The following MYO5B variants were observed in gnomAD, a reference collection of about 807,000 sequenced individuals.
MYO5B encodes unconventional myosin-Vb.
Under a neutral mutation model 229.3 loss-of-function variants are expected in MYO5B, and 143 were observed. The ratio of observed to expected loss-of-function variants is 0.62; its 90% confidence interval spans 0.54 to 0.72. The LOEUF (loss-of-function observed/expected upper bound fraction) is 0.72. Ranked by LOEUF, MYO5B falls within the 30% of genes least tolerant of loss-of-function variation. MYO5B has a pLI of 0.00. For missense variants in MYO5B, 2,321 were observed against 2,331.0 expected (o/e 1.00, Z 0.09); for synonymous variants, 918 against 885.2 (o/e 1.04, Z -0.66).
chr18:49,854,823 G>C (rs1598834706), intron 30 of MYO5B, among the ~76,000 whole-genome samples: 1 of 152,142 alleles, frequency 6.6e-6, no homozygotes, highest in Non-Finnish European at 1.5e-5. Flanking sequence ...ATGTCTACAA[G>C]GGAGCAAGAG....
At chr18:50,080,490 A>G (rs1189679266) in intron 1 of MYO5B, among the ~76,000 whole-genome samples, 1 of 152,164 alleles carries the variant, frequency 6.6e-6, no homozygotes, top group Non-Finnish European at 1.5e-5. Flanking sequence ...TTTATACAGC[A>G]TGTGGGGGAA....
chr18:50,030,977 A>G (rs1330507741), intron 4 of MYO5B, among the ~76,000 whole-genome samples: 2 of 151,206 alleles, frequency 1.3e-5, no homozygotes, highest in African/African-American at 2.4e-5. Flanking sequence ...ATAAGATGGC[A>G]CACTCCCACC....
chr18:49,883,488 T>A (rs183698247), intron 22 of MYO5B, among the ~76,000 whole-genome samples: 3 of 152,280 alleles, frequency 2.0e-5, no homozygotes, highest in African/African-American at 7.2e-5. Context: ...AAATTAAAGA[T>A]CTTAATAAAT....
intron 1 of MYO5B, chr18:50,097,623 C>T (rs2031577490): frequency 9.8e-6 from 2 of 204,276 alleles, no homozygotes; most frequent in Admixed American, 1.1e-4. Context: ...AGGGCTTCCT[C>T]TCCAGGCAAT....
At position 49,894,855 on chromosome 18, in the gene MYO5B, C is replaced by T. The variant is rs2024759178; in HGVS notation, c.3045+86G>A. On this transcript the variant is annotated intron_variant, in intron 22 of 39. Transcript: ENST00000285039. Reference sequence around the variant, plus strand: ...GCCCAAGACCATGGCAATTTTACCACTTGAAGCAGCAGTGCTCTCTGAGAG... The same window carrying T: ...GCCCAAGACCATGGCAATTTTACCATTTGAAGCAGCAGTGCTCTCTGAGAG... 6 of 1,186,798 alleles carry T rather than the reference C, an allele frequency of 5.1e-6. No homozygotes were observed. In the East Asian group the frequency reaches 9.4e-5, roughly 19 times the overall value. The allele number at this position is 1,186,798 out of a possible 1,614,324, so 73.5% of individuals were successfully genotyped here. A position where few individuals can be genotyped will look rare whatever the true frequency, so the allele number is the denominator to read the frequency against.
Position 49,962,249 on chromosome 18 carries a change from T to C in MYO5B, c.1545+17A>G. 1 of 1,614,150 alleles carries C rather than the reference T, an allele frequency of 6.2e-7. No individual in the cohort carries two copies. Among genetic ancestry groups the C allele is most frequent in the Non-Finnish European group, 8.5e-7 (1 of 1,179,982 alleles). ...TCCCTACCCTAGAATTGAACTAATT[T>C]GCATCATCAGTTTTACCTTACATTC... On this transcript the variant is annotated intron_variant, in intron 12 of 39. Coordinates refer to ENST00000285039, the MANE Select transcript of MYO5B (RefSeq NM_001080467.3).
intron 5 of MYO5B, among the ~76,000 whole-genome samples, chr18:49,995,432 A>AT (rs33952487): frequency 0.82 from 121,699 of 148,672 alleles, 51,339 homozygotes; most frequent in East Asian, 0.99. Flanking sequence ...TTTTTTTTGT[A>AT]TTTTTTTTTG....
At chr18:49,913,979 C>T (rs2024985438) in intron 17 of MYO5B, among the ~76,000 whole-genome samples, 1 of 151,942 alleles carries the variant, frequency 6.6e-6, no homozygotes, top group Non-Finnish European at 1.5e-5. Context: ...CCCCTGCTTC[C>T]AGCTCCCCAT....
intron 1 of MYO5B, among the ~76,000 whole-genome samples, chr18:50,127,737 G>C (rs1445917739): frequency 1.3e-5 from 2 of 152,190 alleles, no homozygotes; most frequent in Non-Finnish European, 2.9e-5. Flanking sequence ...CCACACATTT[G>C]GCCAAGCACT....
chr18:49,932,458 C>T (rs949265), intron 16 of MYO5B, among the ~76,000 whole-genome samples: 2 of 151,968 alleles, frequency 1.3e-5, no homozygotes, highest in East Asian at 1.9e-4. Context: ...CTTTGCCACA[C>T]CTGTTCTGTC....
chr18:50,188,147 T>A (rs1323972111), intron 1 of MYO5B, among the ~76,000 whole-genome samples: 1 of 152,212 alleles, frequency 6.6e-6, no homozygotes, highest in Non-Finnish European at 1.5e-5. Flanking sequence ...TTAAAAATAG[T>A]GCTATAATTA....
chr18:50,190,622 C>G (rs900257776), intron 1 of MYO5B, among the ~76,000 whole-genome samples: 2 of 7,302 alleles, frequency 2.7e-4, no homozygotes, highest in African/African-American at 3.3e-4. Context: ...TGGCCCCCGA[C>G]CTACCAAAAA....
intron 1 of MYO5B, among the ~76,000 whole-genome samples, chr18:50,094,281 T>C (rs923484874): frequency 1.3e-5 from 2 of 152,140 alleles, no homozygotes; most frequent in Non-Finnish European, 2.9e-5. Flanking sequence ...AAACAATCTA[T>C]GGATACACTG....
At chr18:49,934,316 A>G (rs188877588) in intron 16 of MYO5B, among the ~76,000 whole-genome samples, 19 of 152,346 alleles carry the variant, frequency 1.2e-4, no homozygotes, top group African/African-American at 4.1e-4. Flanking sequence ...AGTGAGCTCA[A>G]ACTAGAATCC....
intron 13 of MYO5B, 34 bp from the exon 14 acceptor site, chr18:49,953,377 G>C: frequency 6.3e-7 from 1 of 1,585,238 alleles, no homozygotes; most frequent in Non-Finnish European, 8.7e-7. Context: ...AGACACAGTC[G>C]TTAGTGCTTC....
chr18:49,924,913 C>T lies in MYO5B; in HGVS notation c.2090+4599G>A, dbSNP rs889057388. On this transcript the variant is annotated intron_variant, in intron 17 of 39. Coordinates refer to ENST00000285039, the MANE Select transcript of MYO5B (RefSeq NM_001080467.3). ...CCACAAATTGCCCTCTCCCATTTTCCACCCCAAGTTATTTCATGAAAAAAA... is the reference window on the plus strand; with the variant it reads ...CCACAAATTGCCCTCTCCCATTTTCTACCCCAAGTTATTTCATGAAAAAAA... 2.0e-5 allele frequency among the ~76,000 whole-genome samples: 3 copies of T among 152,134 alleles called. No homozygotes were observed. The East Asian group carries it at 5.8e-4, about 29-fold the overall frequency.
intron 7 of MYO5B, among the ~76,000 whole-genome samples, chr18:49,987,005 C>T (rs1352530207): frequency 1.3e-5 from 2 of 152,186 alleles, no homozygotes; most frequent in African/African-American, 4.8e-5. Context: ...GAAAGAGTCA[C>T]CTGAGACTCC....
chr18:49,954,444 C>G lies in MYO5B; in HGVS notation c.1546-9G>C, dbSNP rs2025468787. The G allele has an allele frequency of 6.2e-7, 1 of 1,613,808 alleles. No individual in the cohort carries two copies. On this transcript the variant is annotated splice_polypyrimidine_tract_variant and intron_variant, in intron 12 of 39. Transcript: ENST00000285039. Reference sequence around the variant, plus strand: ...TCAGTTCCTTTGGGGACCTGCAGAACCACAAGATAGGGCAGAGCGCTTTGT... The same window carrying G: ...TCAGTTCCTTTGGGGACCTGCAGAAGCACAAGATAGGGCAGAGCGCTTTGT...
chr18:49,895,017 G>A lies in MYO5B; in HGVS notation c.2969C>T (p.Thr990Ile), dbSNP rs1031350313. 8 of 1,613,792 alleles carry A rather than the reference G, an allele frequency of 5.0e-6. No individual in the cohort carries two copies. In the Middle Eastern group the frequency reaches 6.6e-4, roughly 133 times the overall value. The change falls in exon 22 of 40, where the codon ACA becomes ATA. Residue 990 changes from threonine (T) to isoleucine (I), a missense_variant. Thr to Ile is a moderately conservative substitution (Grantham distance 89). Around this residue, in one of 2 missense-constraint regions of MYO5B, gnomAD observed 2,113 missense variants for 2,044.7 expected, o/e 1.03. Transcript: ENST00000285039. ...CTCCGAGTGGGCCCTCTGCAGCTCT[G>A]TGCGCAGGCTCTCCACCTCCTCCTG... ...RLQEEVESLR[T>I]ELQRAHSERK... is the part of the protein sequence containing the mutation.
Sources: gnomAD v4.1 joint callset for allele counts (sites outside exome capture counted in the v4.1 genomes callset) on GRCh38, gnomAD v4.1.1 for gene constraint, gnomAD v4.1.1 regional missense constraint, MANE v1.5 for transcripts, NCBI Gene and HGNC (gene_info 2026-07-23, HGNC 2026-07-21) for gene names.